The following ADGRL3 variants were observed in gnomAD, a reference collection of about 807,000 sequenced individuals.
ADGRL3 encodes adhesion G protein-coupled receptor L3.
In ADGRL3, 62 loss-of-function variants were observed where a neutral mutation model predicts 153.5. That is an observed-to-expected ratio of 0.40 (90% CI 0.33 to 0.50). The LOEUF (loss-of-function observed/expected upper bound fraction) is 0.50. Ranked by LOEUF, ADGRL3 falls within the 20% of genes least tolerant of loss-of-function variation. The pLI is 0.47. For missense variants in ADGRL3, 1,641 were observed against 1,859.4 expected (o/e 0.88, Z 2.16); for synonymous variants, 710 against 672.5 (o/e 1.06, Z -0.86).
chr4:61,619,564 C>CTG (rs1257332510), intron 5 of ADGRL3, among the ~76,000 whole-genome samples: 5 of 151,634 alleles, frequency 3.3e-5, no homozygotes, highest in African/African-American at 1.2e-4. Context: ...TCATAACCTC[C>CTG]TGTGTGTGTG....
At chr4:61,856,164 T>G (rs998456004) in intron 9 of ADGRL3, among the ~76,000 whole-genome samples, 1 of 152,112 alleles carries the variant, frequency 6.6e-6, no homozygotes, top group African/African-American at 2.4e-5. Context: ...ATCCAGGACT[T>G]GGAGATCAGC....
intron 1 of ADGRL3, among the ~76,000 whole-genome samples, chr4:61,291,676 A>C (rs1478836720): frequency 1.3e-5 from 2 of 149,498 alleles, no homozygotes; most frequent in Non-Finnish European, 3.0e-5. Flanking sequence ...GAGAGAGAGA[A>C]AATGAATGAA....
At chr4:61,786,073 C>A (rs1187251506) in intron 8 of ADGRL3, among the ~76,000 whole-genome samples, 1 of 152,040 alleles carries the variant, frequency 6.6e-6, no homozygotes, top group East Asian at 1.9e-4. Flanking sequence ...ATATCTAAGA[C>A]AGTTATATAT....
intron 2 of ADGRL3, among the ~76,000 whole-genome samples, chr4:61,398,625 T>G (rs1211603970): frequency 2.0e-5 from 3 of 151,624 alleles, no homozygotes; most frequent in African/African-American, 7.3e-5. Context: ...GACCATTCCA[T>G]CCTTTTGGCT....
chr4:61,456,130 T>TTC (rs2097733470), intron 2 of ADGRL3, among the ~76,000 whole-genome samples: 1 of 151,924 alleles, frequency 6.6e-6, no homozygotes, highest in South Asian at 2.1e-4. Context: ...AAGAAATACA[T>TTC]TCTTTTTACA....
intron 6 of ADGRL3, among the ~76,000 whole-genome samples, chr4:61,717,579 G>T (rs1386936672): frequency 1.3e-5 from 2 of 152,100 alleles, no homozygotes; most frequent in Non-Finnish European, 1.5e-5. Context: ...AAGTCGTTTT[G>T]ATAAGTTAGT....
chr4:62,013,396 G>A (rs916340897), intron 21 of ADGRL3, among the ~76,000 whole-genome samples: 2 of 151,916 alleles, frequency 1.3e-5, no homozygotes, highest in Non-Finnish European at 2.9e-5. Context: ...ACAAAAATTA[G>A]CCAGGCATGG....
At chr4:61,867,540 A>ATATATATATATATATG (rs201200813) in intron 9 of ADGRL3, among the ~76,000 whole-genome samples, 1 of 132,122 alleles carries the variant, frequency 7.6e-6, no homozygotes, top group African/African-American at 2.7e-5. Flanking sequence ...ATATATATAT[A>ATATATATATATATATG]ATTGTAGGAG....
At position 61,497,234 on chromosome 4, in the gene ADGRL3, A is replaced by G; in HGVS notation, c.-60A>G. ...CAGAAGAGAAACTAGAAATATACGT[A>G]TTTTGTTTCACATTTGAACAGTCAT... On this transcript the variant is annotated 5_prime_UTR_variant, in exon 3 of 27. Transcript: ENST00000683033. 1.0e-6 allele frequency: 1 copy of G among 975,706 alleles called. No individual in the cohort carries two copies. The highest frequency in any genetic ancestry group is 2.6e-5 in the East Asian group (1 of 38,886). 60.4% of individuals were successfully genotyped at this position (975,706 alleles called of 1,614,324 possible). A position where few individuals can be genotyped will look rare whatever the true frequency, so the allele number is the denominator to read the frequency against.
Position 61,391,855 on chromosome 4 carries a change from C to CTTTTTTTTTTTTTT in ADGRL3, c.-174+8675_-174+8688dup, listed in dbSNP as rs869176171. 6.4e-5 allele frequency among the ~76,000 whole-genome samples: 6 copies of CTTTTTTTTTTTTTT among 93,656 alleles called. 3 individuals are homozygous for CTTTTTTTTTTTTTT. Among genetic ancestry groups the CTTTTTTTTTTTTTT allele is most frequent in the Non-Finnish European group, 1.2e-4 (6 of 49,102 alleles). 61.4% of individuals were successfully genotyped at this position (93,656 alleles called of 152,430 possible). A position where few individuals can be genotyped will look rare whatever the true frequency, so the allele number is the denominator to read the frequency against. On this transcript the variant is annotated intron_variant, in intron 2 of 26. Coordinates refer to ENST00000683033, the MANE Select transcript of ADGRL3 (RefSeq NM_001387552.1). ...AAAATTATCCAAGTGAAAAATGCTA[C>CTTTTTTTTTTTTTT]TTTTTTTTTTTTTTTTTTTTTTGAG...
At chr4:61,726,595 T>C (rs1328635669) in intron 6 of ADGRL3, among the ~76,000 whole-genome samples, 3 of 152,108 alleles carry the variant, frequency 2.0e-5, no homozygotes, top group Admixed American at 2.0e-4. Context: ...AGGTAACTGG[T>C]TGTGATTTTT....
chr4:61,439,944 T>C (rs2097506826), intron 2 of ADGRL3, among the ~76,000 whole-genome samples: 1 of 152,218 alleles, frequency 6.6e-6, no homozygotes, highest in African/African-American at 2.4e-5. Context: ...TTTTTATACA[T>C]AAGTCATATG....
At chr4:61,586,344 T>A (rs2098946572) in intron 4 of ADGRL3, among the ~76,000 whole-genome samples, 1 of 152,004 alleles carries the variant, frequency 6.6e-6, no homozygotes, top group South Asian at 2.1e-4. Flanking sequence ...CACCAAGACC[T>A]TTCAGGATGT....
At chr4:61,453,177 C>T (rs186657151) in intron 2 of ADGRL3, among the ~76,000 whole-genome samples, 2 of 152,132 alleles carry the variant, frequency 1.3e-5, no homozygotes, top group African/African-American at 4.8e-5. Flanking sequence ...GTCTGAAGGA[C>T]ACTGAACTTT....
intron 5 of ADGRL3, among the ~76,000 whole-genome samples, chr4:61,646,556 C>T (rs768494598): frequency 6.6e-4 from 100 of 150,860 alleles, no homozygotes; most frequent in Non-Finnish European, 2.4e-4. Context: ...TCAGTCTGCC[C>T]GTACTGAGGG....
intron 18 of ADGRL3, among the ~76,000 whole-genome samples, chr4:61,981,156 A>C (rs1052402335): frequency 3.9e-5 from 6 of 152,206 alleles, no homozygotes; most frequent in African/African-American, 1.4e-4. Flanking sequence ...TTTCTAAGGA[A>C]CTACATATTG....
chr4:61,394,121 C>A (rs2096843296), intron 2 of ADGRL3, among the ~76,000 whole-genome samples: 1 of 151,818 alleles, frequency 6.6e-6, no homozygotes, highest in South Asian at 2.1e-4. Context: ...CATGGTAAGA[C>A]CATATTATTT....
rs190607190 is a variant in ADGRL3 at position 61,411,448 on chromosome 4, T to C, written c.-174+28259T>C. Reference sequence around the variant, plus strand: ...CAAGTGATGTCAGCAACAGTAATTTTCCAGGCATCCCTCCTCCATAGATAT... The same window carrying C: ...CAAGTGATGTCAGCAACAGTAATTTCCCAGGCATCCCTCCTCCATAGATAT... On this transcript the variant is annotated intron_variant, in intron 2 of 26. Transcript: ENST00000683033. Among the ~76,000 whole-genome samples the C allele has an allele frequency of 2.6e-5, 4 of 152,280 alleles. No individual in the cohort carries two copies. In the East Asian group the frequency reaches 7.7e-4, roughly 29 times the overall value.
At chr4:61,795,361 C>A (rs559883991) in intron 8 of ADGRL3, among the ~76,000 whole-genome samples, 1 of 152,078 alleles carries the variant, frequency 6.6e-6, no homozygotes, top group Non-Finnish European at 1.5e-5. Context: ...CTCCTAGCCT[C>A]GAGTGATCCT....
Sources: allele counts gnomAD v4.1 joint callset (sites outside exome capture counted in the v4.1 genomes callset), GRCh38; gene constraint gnomAD v4.1.1; transcripts MANE v1.5; gene names NCBI Gene and HGNC (gene_info 2026-07-23, HGNC 2026-07-21).